PCDHGA5: variants seen among roughly 807,000 people sequenced by gnomAD.
The protein encoded by PCDHGA5 is protocadherin gamma-A5.
A neutral mutation model predicts 56.7 loss-of-function variants in PCDHGA5; 36 were observed. That is an observed-to-expected ratio of 0.64 (90% CI 0.49 to 0.84). The LOEUF (loss-of-function observed/expected upper bound fraction) is 0.84. Ranked by LOEUF, PCDHGA5 falls within the 40% of genes least tolerant of loss-of-function variation. PCDHGA5 has a pLI of 0.00. For synonymous variants in PCDHGA5, 563 were observed against 520.2 expected (o/e 1.08, Z -1.12); for missense variants, 1,305 against 1,201.5 (o/e 1.09, Z -1.27).
intron 1 of PCDHGA5, chr5:141,385,358 T>C (rs1470867728): frequency 6.5e-7 from 1 of 1,546,418 alleles, no homozygotes; most frequent in Non-Finnish European, 8.7e-7. Flanking sequence ...CCATGAGGAA[T>C]TTATTTGCAT....
Position 141,476,855 on chromosome 5 carries a change from T to C in PCDHGA5, c.2422-17952T>C, listed in dbSNP as rs149491772. The C allele has an allele frequency of 3.2e-4, 519 of 1,613,836 alleles. 3 individuals carry two copies. The African/African-American group carries it at 6.2e-3, about 19-fold the overall frequency. Reference sequence around the variant, plus strand: ...TGACAATGCGCCTGTCTTCAACCAGTCCTTGTACCGGGCGCGCGTCCTGGA... The same window carrying C: ...TGACAATGCGCCTGTCTTCAACCAGCCCTTGTACCGGGCGCGCGTCCTGGA... On this transcript the variant is annotated intron_variant, in intron 1 of 3. Coordinates refer to ENST00000518069, the MANE Select transcript of PCDHGA5 (RefSeq NM_018918.3). This position sits in a 1 kb window ranked among gnomAD's most constrained non-coding sequence, Gnocchi z 7.6.
intron 1 of PCDHGA5, chr5:141,422,520 G>A (rs759529752): frequency 1.9e-6 from 3 of 1,613,946 alleles, no homozygotes; most frequent in South Asian, 2.2e-5. Flanking sequence ...AGGGAAGCCC[G>A]CCTTTGTCTG....
intron 1 of PCDHGA5, among the ~76,000 whole-genome samples, chr5:141,439,380 G>C (rs1324859898): frequency 6.6e-6 from 1 of 152,158 alleles, no homozygotes; most frequent in East Asian, 1.9e-4. Flanking sequence ...ATAAAAATAA[G>C]TCATCACTTC....
At chr5:141,388,652 C>T in intron 1 of PCDHGA5, 1 of 1,613,844 alleles carries the variant, frequency 6.2e-7, no homozygotes, top group African/African-American at 1.3e-5. Context: ...AAAACGTGTA[C>T]CCGGGGACCA....
At position 141,486,418 on chromosome 5, in the gene PCDHGA5, A is replaced by G. The variant is rs1174910867; in HGVS notation, c.2422-8389A>G. On this transcript the variant is annotated intron_variant, in intron 1 of 3. Transcript: ENST00000518069. This position sits in a 1 kb window ranked among gnomAD's most constrained non-coding sequence, Gnocchi z 5.0. ...TGGTGACTGCTGGACCCTTGGATCG[A>G]GAGGCCAAATCTAGCTATGACATCA... is the stretch of plus-strand genomic sequence containing the variant. The G allele has an allele frequency of 3.7e-6, 6 of 1,614,176 alleles. No individual in the cohort carries two copies. Among genetic ancestry groups the G allele is most frequent in the Non-Finnish European group, 5.1e-6 (6 of 1,180,020 alleles).
At chr5:141,406,497 G>A (rs918411920) in intron 1 of PCDHGA5, among the ~76,000 whole-genome samples, 2 of 152,200 alleles carry the variant, frequency 1.3e-5, no homozygotes, top group African/African-American at 4.8e-5. Context: ...TCACAAGTGT[G>A]TAAAGTCTGT....
Position 141,511,334 on chromosome 5 carries a change from C to A in PCDHGA5, c.*161C>A. 7.0e-7 allele frequency: 1 copy of A among 1,438,700 alleles called. No homozygotes were observed. Among genetic ancestry groups the A allele is most frequent in the Non-Finnish European group, 9.2e-7 (1 of 1,083,314 alleles). 89.1% of individuals were successfully genotyped at this position (1,438,700 alleles called of 1,614,324 possible). On this transcript the variant is annotated 3_prime_UTR_variant, in exon 4 of 4. Coordinates refer to ENST00000518069, the MANE Select transcript of PCDHGA5 (RefSeq NM_018918.3). ...GAAACAGAAACAAGTGCCCAGTCAG[C>A]ACCTACCCCTTCCCCCCCAGGGGGT...
Position 141,404,436 on chromosome 5 carries a change from C to T in PCDHGA5, c.2421+37685C>T. On this transcript the variant is annotated intron_variant, in intron 1 of 3. Transcript: ENST00000518069. Reference sequence around the variant, plus strand: ...GTTATTTACTCCTTGGCAGAGGATACCATCCAAGGGTCTCCTCTCTCCACC... The same window carrying T: ...GTTATTTACTCCTTGGCAGAGGATATCATCCAAGGGTCTCCTCTCTCCACC... 1.9e-6 allele frequency: 3 copies of T among 1,612,706 alleles called. No individual in the cohort carries two copies. In the East Asian group the frequency reaches 6.7e-5, roughly 36 times the overall value.
intron 1 of PCDHGA5, among the ~76,000 whole-genome samples, chr5:141,369,429 C>T (rs940701313): frequency 2.0e-5 from 3 of 152,160 alleles, no homozygotes; most frequent in Admixed American, 6.5e-5. Context: ...CAATTTGGGA[C>T]GCTGAGGTGG....
At chr5:141,502,472 A>T (rs1450967250) in intron 2 of PCDHGA5, among the ~76,000 whole-genome samples, 1 of 150,886 alleles carries the variant, frequency 6.6e-6, no homozygotes, top group Non-Finnish European at 1.5e-5. Flanking sequence ...TACTTCCCGC[A>T]GCATCACACT....
intron 1 of PCDHGA5, chr5:141,410,123 C>A: frequency 1.2e-6 from 2 of 1,612,780 alleles, no homozygotes; most frequent in Non-Finnish European, 1.7e-6. Flanking sequence ...AGCCCGCCAG[C>A]GCCTGCTGGT....
intron 1 of PCDHGA5, chr5:141,375,586 G>A: frequency 6.2e-7 from 1 of 1,614,128 alleles, no homozygotes; most frequent in Non-Finnish European, 8.5e-7. Flanking sequence ...GGGCGCCCCT[G>A]TCCTCCTACG....
chr5:141,443,417 T>C (rs1429905201), intron 1 of PCDHGA5, among the ~76,000 whole-genome samples: 3 of 152,132 alleles, frequency 2.0e-5, no homozygotes, highest in East Asian at 1.9e-4. Context: ...TCTGGGGAGA[T>C]TGAAGCTGCA....
At chr5:141,452,742 G>C (rs779371001) in intron 1 of PCDHGA5, among the ~76,000 whole-genome samples, 7 of 152,010 alleles carry the variant, frequency 4.6e-5, no homozygotes, top group Non-Finnish European at 8.8e-5. Context: ...GGAAGAGAGA[G>C]AAGGAAGAAG....
intron 1 of PCDHGA5, chr5:141,371,928 G>A (rs1305933236): frequency 4.3e-6 from 7 of 1,613,232 alleles, no homozygotes; most frequent in Non-Finnish European, 5.1e-6. Flanking sequence ...CGCGCGGAGC[G>A]GGGTGGTGTT....
rs1390739125 is a variant in PCDHGA5 at position 141,490,094 on chromosome 5, C to T, written c.2422-4713C>T. ...CTAGACTATTCTTTTGGAGACCACA[C>T]ATCTGAGGCAGTGCGGAACCTCTTT... On this transcript the variant is annotated intron_variant, in intron 1 of 3. Coordinates refer to ENST00000518069, the MANE Select transcript of PCDHGA5 (RefSeq NM_018918.3). This position sits in a 1 kb window ranked among gnomAD's most constrained non-coding sequence, Gnocchi z 5.4. 1 of 1,614,250 alleles carries T rather than the reference C, an allele frequency of 6.2e-7. No individual in the cohort carries two copies. The highest frequency in any genetic ancestry group is 2.2e-5 in the East Asian group (1 of 44,888).
intron 1 of PCDHGA5, among the ~76,000 whole-genome samples, chr5:141,481,300 GA>G (rs998363845): frequency 3.3e-5 from 5 of 152,248 alleles, no homozygotes; most frequent in African/African-American, 1.2e-4. Context: ...TCATCTAAGG[GA>G]AAAACCTTCC....
rs1257933448 is a variant in PCDHGA5, at chr5:141,490,285, G to C, written c.2422-4522G>C. 3 of 1,614,106 alleles carry C rather than the reference G, an allele frequency of 1.9e-6. No homozygotes were observed. In the African/African-American group the frequency reaches 4.0e-5, roughly 22 times the overall value. On this transcript the variant is annotated intron_variant, in intron 1 of 3. Coordinates refer to ENST00000518069, the MANE Select transcript of PCDHGA5 (RefSeq NM_018918.3). This position sits in a 1 kb window ranked among gnomAD's most constrained non-coding sequence, Gnocchi z 5.4. ...GGGGGATGTCAATGACAATGCCCCAGAGGTGCTATTGGCCTCTTTGGCCAA... is the reference window on the plus strand; with the variant it reads ...GGGGGATGTCAATGACAATGCCCCACAGGTGCTATTGGCCTCTTTGGCCAA...
intron 1 of PCDHGA5, chr5:141,389,822 C>T (rs1253797821): frequency 1.2e-6 from 2 of 1,613,932 alleles, no homozygotes; most frequent in Non-Finnish European, 1.7e-6. Flanking sequence ...CCGTGCGTGA[C>T]GGTGGACAGC....
Sources: allele counts gnomAD v4.1 joint callset (sites outside exome capture counted in the v4.1 genomes callset), GRCh38; gene constraint gnomAD v4.1.1; non-coding constraint Gnocchi (gnomAD v3.1); transcripts MANE v1.5; gene names NCBI Gene and HGNC (gene_info 2026-07-23, HGNC 2026-07-21).